The following FOCAD variants were observed in gnomAD, a reference collection of about 807,000 sequenced individuals.
FOCAD encodes the protein KIAA1797.
FOCAD carries 198 observed loss-of-function variants against 225.6 expected under a neutral mutation model. That is an observed-to-expected ratio of 0.88 (90% CI 0.78 to 0.99). FOCAD has a LOEUF of 0.99. Ranked by LOEUF, FOCAD falls within the 50% of genes least tolerant of loss-of-function variation. The probability of loss-of-function intolerance (pLI) is 0.00; values close to 1 mark genes in which losing one functional copy is unlikely to be tolerated. For synonymous variants in FOCAD, 897 were observed against 755.0 expected, an observed-to-expected ratio of 1.19 and a Z score of -3.08; for missense variants, 2,713 against 2,123.6, an observed-to-expected ratio of 1.28 and a Z score of -5.46.
intron 8 of FOCAD, among the ~76,000 whole-genome samples, chr9:20,771,388 G>A (rs572369112): frequency 2.6e-4 from 39 of 152,270 alleles, no homozygotes; most frequent in South Asian, 4.2e-4. Context: ...GTTTGGGACC[G>A]CACACCACTA....
upstream of FOCAD, chr9:20,684,055 G>C (rs117711726): frequency 0.031 from 4,654 of 152,432 alleles, 96 homozygotes; most frequent in Non-Finnish European, 0.044. Flanking sequence ...GCACCAGCTC[G>C]GCTGCAGAGC....
At position 20,920,257 on chromosome 9, in the gene FOCAD, A is replaced by G. The variant is rs1301931316; in HGVS notation, c.2852+3320A>G. 4.1e-5 allele frequency among the ~76,000 whole-genome samples: 6 copies of G among 146,472 alleles called. No homozygotes were observed. The South Asian group carries it at 1.1e-3, about 27-fold the overall frequency. ...TCAGAGAAATGCAAATCAAAACCAC[A>G]ATGAGATACCATCTCACACCAGTTA... On this transcript the variant is annotated intron_variant, in intron 24 of 43. Coordinates refer to ENST00000338382, the MANE Select transcript of FOCAD (RefSeq NM_001375567.1).
chr9:20,723,457 G>A (rs1016614591), intron 4 of FOCAD, among the ~76,000 whole-genome samples: 1 of 152,188 alleles, frequency 6.6e-6, no homozygotes, highest in African/African-American at 2.4e-5. Flanking sequence ...TTGCACCACT[G>A]CACTCCAGCC....
rs546979308 is a variant in FOCAD, at chr9:20,710,857, T to C, written c.-32-4465T>C. ...ATTTGAATGTTAATTGTAGGAATTA[T>C]GTCAAGAAATTTTGTAAATTAATTT... On this transcript the variant is annotated intron_variant, in intron 1 of 43. Transcript: ENST00000338382. 1.9e-3 allele frequency among the ~76,000 whole-genome samples: 297 copies of C among 152,366 alleles called. 1 individual carries two copies. Among genetic ancestry groups the C allele is most frequent in the South Asian group, 4.8e-3 (23 of 4,834 alleles).
intron 30 of FOCAD, 35 bp from the exon 31 acceptor site, chr9:20,948,236 C>G (rs1361697712): frequency 6.9e-7 from 1 of 1,450,300 alleles, no homozygotes; most frequent in Non-Finnish European, 9.1e-7. Context: ...TTTTTTTTTT[C>G]TTTTTCTTAC....
intron 4 of FOCAD, among the ~76,000 whole-genome samples, chr9:20,737,789 T>C (rs1346564518): frequency 6.6e-6 from 1 of 152,204 alleles, no homozygotes; most frequent in Non-Finnish European, 1.5e-5. Flanking sequence ...ACTGCATCCC[T>C]GAGACCTGGT....
Position 20,942,810 on chromosome 9 carries a change from A to G in FOCAD, c.3408-1817A>G, listed in dbSNP as rs775098548. On this transcript the variant is annotated intron_variant, in intron 28 of 43. Transcript: ENST00000338382. ...GAGATAATAATCAACCAATACCCCA[A>G]ATAATTTTCATCAGAGTTTATAATT... 3.3e-5 allele frequency among the ~76,000 whole-genome samples: 5 copies of G among 152,304 alleles called. 1 individual carries two copies. In the South Asian group the frequency reaches 6.2e-4, roughly 19 times the overall value.
chr9:20,751,303 C>T (rs1428917345), intron 5 of FOCAD, among the ~76,000 whole-genome samples: 1 of 118,626 alleles, frequency 8.4e-6, no homozygotes, highest in Non-Finnish European at 1.7e-5. Context: ...AGTGCTATCC[C>T]TCCCCCCTCC....
At chr9:20,708,623 A>T (rs993771041) in intron 1 of FOCAD, among the ~76,000 whole-genome samples, 10 of 152,148 alleles carry the variant, frequency 6.6e-5, no homozygotes, top group African/African-American at 2.4e-4. Flanking sequence ...TTTTAAAAAA[A>T]CTTTAGCCAG....
chr9:20,864,189 G>C (rs1250726982), intron 16 of FOCAD, among the ~76,000 whole-genome samples: 2 of 152,046 alleles, frequency 1.3e-5, no homozygotes, highest in African/African-American at 2.4e-5. Flanking sequence ...TAACTACTTA[G>C]AATTTGTCTG....
At chr9:20,733,561 G>A (rs1403241294) in intron 4 of FOCAD, among the ~76,000 whole-genome samples, 1 of 152,074 alleles carries the variant, frequency 6.6e-6, no homozygotes, top group African/African-American at 2.4e-5. Context: ...CTGTGTCCAT[G>A]TGATCTCATT....
chr9:20,810,790 C>A (rs140055529), intron 11 of FOCAD, among the ~76,000 whole-genome samples: 1 of 151,986 alleles, frequency 6.6e-6, no homozygotes, highest in Non-Finnish European at 1.5e-5. Context: ...CAGGAAGGGT[C>A]GTGGCTATTT....
intron 39 of FOCAD, among the ~76,000 whole-genome samples, chr9:20,983,570 C>CAAAA (rs371636885): frequency 1.5e-4 from 15 of 98,422 alleles, no homozygotes; most frequent in South Asian, 7.2e-4. Flanking sequence ...GACTCTGTCT[C>CAAAA]AAAAAAAAAA....
chr9:20,937,174 A>G (rs529729126), intron 28 of FOCAD, among the ~76,000 whole-genome samples: 118 of 150,660 alleles, frequency 7.8e-4, no homozygotes, highest in African/African-American at 2.7e-3. Context: ...TACAGATTCA[A>G]TGCCATCCCC....
intron 11 of FOCAD, among the ~76,000 whole-genome samples, chr9:20,792,798 T>C (rs1212494062): frequency 6.6e-6 from 1 of 152,204 alleles, no homozygotes; most frequent in Non-Finnish European, 1.5e-5. Flanking sequence ...ACTAGGTTCA[T>C]GGGCCATGAC....
chr9:20,903,755 T>G (rs1379392962), intron 21 of FOCAD, among the ~76,000 whole-genome samples: 1 of 151,976 alleles, frequency 6.6e-6, no homozygotes. Context: ...TCACATAACA[T>G]AAAACAAACC....
At chr9:20,903,505 T>C (rs1179489215) in intron 21 of FOCAD, among the ~76,000 whole-genome samples, 1 of 151,884 alleles carries the variant, frequency 6.6e-6, no homozygotes, top group Non-Finnish European at 1.5e-5. Flanking sequence ...TAATTCTTTT[T>C]CTCAAAAGCT....
chr9:20,779,637 C>G (rs781503791), intron 9 of FOCAD, among the ~76,000 whole-genome samples: 1 of 151,932 alleles, frequency 6.6e-6, no homozygotes, highest in Non-Finnish European at 1.5e-5. Context: ...GTAATCCTAG[C>G]TACTTGGTTG....
At chr9:20,899,985 A>G (rs996506840) in intron 21 of FOCAD, among the ~76,000 whole-genome samples, 8 of 151,854 alleles carry the variant, frequency 5.3e-5, no homozygotes, top group African/African-American at 1.4e-4. Flanking sequence ...TGGTCATTTC[A>G]GATGTGCTAG....
Sources: allele counts gnomAD v4.1 joint callset (sites outside exome capture counted in the v4.1 genomes callset), GRCh38; gene constraint gnomAD v4.1.1; transcripts MANE v1.5; gene names NCBI Gene and HGNC (gene_info 2026-07-23, HGNC 2026-07-21).